STX8: variants seen among roughly 807,000 people sequenced by gnomAD.
STX8 encodes the protein syntaxin-8.
STX8 carries 23 observed loss-of-function variants against 37.5 expected under a neutral mutation model. That is an observed-to-expected ratio of 0.61 (90% confidence interval 0.44 to 0.87). STX8 has a LOEUF of 0.87. Ranked by LOEUF, STX8 falls within the 40% of genes least tolerant of loss-of-function variation. STX8 has a pLI of 0.00. For synonymous variants in STX8, 115 were observed against 99.1 expected (o/e 1.16, Z -0.95); for missense variants, 313 against 284.7 (o/e 1.10, Z -0.71).
intron 7 of STX8, among the ~76,000 whole-genome samples, chr17:9,258,442 C>T (rs2142123327): frequency 6.6e-6 from 1 of 152,304 alleles, no homozygotes; most frequent in South Asian, 2.1e-4. Context: ...AGGTCTCTGC[C>T]CAGACCTGCC....
At position 9,489,383 on chromosome 17, in the gene STX8, T is replaced by A. The variant is rs6503211; in HGVS notation, c.541+2446A>T. Among the ~76,000 whole-genome samples, 813 of 152,158 alleles carry A rather than the reference T, an allele frequency of 5.3e-3. 7 individuals carry two copies. Among genetic ancestry groups the A allele is most frequent in the African/African-American group, 0.018 (741 of 41,496 alleles). ...GATTCTAATATGCAGCAAAGTATGA[T>A]AACCACTAAACCAGACGAAAGACAA... On this transcript the variant is annotated intron_variant, in intron 6 of 7. Coordinates refer to ENST00000306357, the MANE Select transcript of STX8 (RefSeq NM_004853.3).
chr17:9,391,785 A>C (rs1295785027), intron 6 of STX8, among the ~76,000 whole-genome samples: 1 of 152,180 alleles, frequency 6.6e-6, no homozygotes, highest in East Asian at 1.9e-4. Context: ...GGGTAACTAA[A>C]GTCCTAGATT....
In STX8 at chr17:9,494,180, T is replaced by A. The variant is rs186452024; in HGVS notation, c.449-2259A>T. ...ACAGGCGCCCGCCACCACGCCCGGC[T>A]AATTTTTTGTGTTTTTAATAGAGAC... On this transcript the variant is annotated intron_variant, in intron 5 of 7. Transcript: ENST00000306357. Among the ~76,000 whole-genome samples, 675 of 151,902 alleles carry A rather than the reference T, an allele frequency of 4.4e-3. 6 individuals carry two copies. The highest frequency in any genetic ancestry group is 0.016 in the African/African-American group (646 of 41,520).
chr17:9,544,841 A>C (rs911435360), intron 4 of STX8, among the ~76,000 whole-genome samples: 1 of 152,004 alleles, frequency 6.6e-6, no homozygotes, highest in African/African-American at 2.4e-5. Flanking sequence ...AAATACAAAA[A>C]ATTAGTCGGG....
intron 6 of STX8, among the ~76,000 whole-genome samples, chr17:9,459,670 GACGT>G: frequency 1.3e-5 from 2 of 152,062 alleles, no homozygotes; most frequent in African/African-American, 4.8e-5. Flanking sequence ...CACCCACCAC[GACGT>G]CCAGCTAATT....
At chr17:9,353,665 A>C (rs1450764637) in intron 7 of STX8, among the ~76,000 whole-genome samples, 1 of 152,198 alleles carries the variant, frequency 6.6e-6, no homozygotes, top group East Asian at 1.9e-4. Flanking sequence ...CTAAACAATA[A>C]ATCTACTTAG....
intron 4 of STX8, among the ~76,000 whole-genome samples, chr17:9,536,450 C>G (rs1268831499): frequency 3.3e-5 from 5 of 152,162 alleles, no homozygotes; most frequent in African/African-American, 4.8e-5. Flanking sequence ...CCATTTTGAG[C>G]AGGGTAATCT....
At chr17:9,490,368 C>A (rs1287911743) in intron 6 of STX8, among the ~76,000 whole-genome samples, 1 of 122,920 alleles carries the variant, frequency 8.1e-6, no homozygotes, top group Non-Finnish European at 1.9e-5. Context: ...CTTGCTCATA[C>A]ATGATAACTT....
chr17:9,515,060 T>C (rs1905124950), intron 4 of STX8, among the ~76,000 whole-genome samples: 2 of 152,192 alleles, frequency 1.3e-5, no homozygotes, highest in Admixed American at 1.3e-4. Context: ...AAATAGAATA[T>C]AGACAAATGG....
intron 6 of STX8, among the ~76,000 whole-genome samples, chr17:9,416,731 G>T (rs1913212793): frequency 6.6e-6 from 1 of 152,088 alleles, no homozygotes; most frequent in African/African-American, 2.4e-5. Context: ...CTTGCTCAGG[G>T]ACTGAAACCA....
At chr17:9,479,294 G>T (rs1567578289) in intron 6 of STX8, among the ~76,000 whole-genome samples, 1 of 152,116 alleles carries the variant, frequency 6.6e-6, no homozygotes, top group Non-Finnish European at 1.5e-5. Context: ...AGCCCTTTGG[G>T]AGGCTGAGGT....
At chr17:9,464,423 A>G (rs770095481) in intron 6 of STX8, among the ~76,000 whole-genome samples, 1 of 152,234 alleles carries the variant, frequency 6.6e-6, no homozygotes, top group African/African-American at 2.4e-5. Context: ...AATTAGCTCC[A>G]TGCATTACAC....
At chr17:9,283,853 G>A (rs1227959862) in intron 7 of STX8, among the ~76,000 whole-genome samples, 1 of 152,184 alleles carries the variant, frequency 6.6e-6, no homozygotes, top group Non-Finnish European at 1.5e-5. Flanking sequence ...GATGGAAATT[G>A]TAACCTGAAT....
At chr17:9,410,311 ATAAG>A (rs886724865) in intron 6 of STX8, among the ~76,000 whole-genome samples, 2 of 152,260 alleles carry the variant, frequency 1.3e-5, no homozygotes, top group African/African-American at 4.8e-5. Context: ...CAAAGCATGT[ATAAG>A]TAAAAATTAA....
At chr17:9,340,209 A>C (rs960918952) in intron 7 of STX8, among the ~76,000 whole-genome samples, 1 of 152,250 alleles carries the variant, frequency 6.6e-6, no homozygotes, top group Non-Finnish European at 1.5e-5. Flanking sequence ...CCTATCAAAG[A>C]GGGCAGCTGC....
intron 6 of STX8, among the ~76,000 whole-genome samples, chr17:9,490,937 TG>T (rs1310971422): frequency 6.6e-6 from 1 of 152,072 alleles, no homozygotes; most frequent in Non-Finnish European, 1.5e-5. Context: ...TGTGTGGAGA[TG>T]AAATGAAATG....
chr17:9,382,675 T>C (rs1911864192), intron 6 of STX8, among the ~76,000 whole-genome samples: 1 of 152,216 alleles, frequency 6.6e-6, no homozygotes, highest in Admixed American at 6.5e-5. Context: ...GGCAAAGCTA[T>C]ATTAATATCA....
rs549105558 is a variant in STX8, at chr17:9,348,820, C to G, written c.643+29732G>C. Among the ~76,000 whole-genome samples the G allele has an allele frequency of 7.2e-5, 11 of 152,272 alleles. No homozygotes were observed. The South Asian group carries it at 1.7e-3, about 23-fold the overall frequency. ...AAGCTTAATATGTGGGTCAGAAATG[C>G]TTTGGTTTGGCTTCCTACCTTCCTG... On this transcript the variant is annotated intron_variant, in intron 7 of 7. Transcript: ENST00000306357.
intron 2 of STX8, among the ~76,000 whole-genome samples, chr17:9,563,131 T>C (rs1907310520): frequency 6.6e-6 from 1 of 151,716 alleles, no homozygotes; most frequent in South Asian, 2.1e-4. Flanking sequence ...CAAAAGAGTA[T>C]CTGTCATTCA....
Sources: allele counts gnomAD v4.1 joint callset (sites outside exome capture counted in the v4.1 genomes callset), GRCh38; gene constraint gnomAD v4.1.1; transcripts MANE v1.5; gene names NCBI Gene and HGNC (gene_info 2026-07-23, HGNC 2026-07-21).